MEI1: variants seen among roughly 807,000 people sequenced by gnomAD.
MEI1 encodes meiotic double-stranded break formation protein 1, also known as meiosis inhibitor protein 1.
MEI1 carries 103 observed loss-of-function variants against 146.2 expected under a neutral mutation model. The ratio of observed to expected loss-of-function variants is 0.70; its 90% CI spans 0.60 to 0.83. MEI1 has a LOEUF of 0.83. Among genes scored for constraint, MEI1 ranks in the 40% least tolerant of loss-of-function variants. The pLI, the probability that MEI1 is intolerant of heterozygous loss-of-function variation, is 0.00. For missense variants in MEI1, 1,529 were observed against 1,533.0 expected (o/e 1.00, Z 0.04); for synonymous variants, 652 against 628.2 (o/e 1.04, Z -0.57).
intron 6 of MEI1, among the ~76,000 whole-genome samples, chr22:41,720,618 C>T (rs1226618234): frequency 8.9e-6 from 1 of 112,630 alleles, no homozygotes; most frequent in Non-Finnish European, 1.9e-5. Context: ...TTTTTTTTGA[C>T]GGAGTCTGGC....
intron 5 of MEI1, among the ~76,000 whole-genome samples, 189 bp from the exon 6 acceptor site, chr22:41,717,882 C>A (rs2070360403): frequency 6.6e-6 from 1 of 152,140 alleles, no homozygotes. Flanking sequence ...TTCCCAAGTG[C>A]TGGGATTACA....
chr22:41,704,816 G>A (rs775613746), intron 2 of MEI1, among the ~76,000 whole-genome samples: 14 of 152,050 alleles, frequency 9.2e-5, no homozygotes, highest in Non-Finnish European at 1.8e-4. Context: ...CCAGGTTCAC[G>A]CCATTCTCCT....
chr22:41,746,146 G>A (rs747515464), intron 14 of MEI1, 120 bp downstream of exon 14: 3 of 862,370 alleles, frequency 3.5e-6, no homozygotes, highest in Non-Finnish European at 4.8e-6. Flanking sequence ...GGCCTCAGCA[G>A]TGCAATTCTT....
chr22:41,707,624 C>T (rs1454742030), intron 3 of MEI1, among the ~76,000 whole-genome samples: 1 of 151,912 alleles, frequency 6.6e-6, no homozygotes, highest in East Asian at 1.9e-4. Flanking sequence ...ACATGGGCAA[C>T]ATAGCAAGAC....
intron 30 of MEI1, among the ~76,000 whole-genome samples, chr22:41,798,096 GT>G (rs1174167127): frequency 6.7e-6 from 1 of 148,908 alleles, no homozygotes; most frequent in East Asian, 2.0e-4. Context: ...AGCGCAGTTG[GT>G]TCAAGTGATC....
At chr22:41,733,886 G>T (rs1250524608) in intron 11 of MEI1, among the ~76,000 whole-genome samples, 1 of 152,056 alleles carries the variant, frequency 6.6e-6, no homozygotes, top group Non-Finnish European at 1.5e-5. Context: ...CAGCACTTTG[G>T]GAGGCCAAGG....
At chr22:41,762,190 C>T (rs1405395809) in intron 18 of MEI1, among the ~76,000 whole-genome samples, 1 of 152,110 alleles carries the variant, frequency 6.6e-6, no homozygotes, top group Non-Finnish European at 1.5e-5. Context: ...CCATTACAGG[C>T]GTGAGCCACT....
At chr22:41,767,838 CT>C (rs2074952448) in intron 19 of MEI1, among the ~76,000 whole-genome samples, 1 of 152,150 alleles carries the variant, frequency 6.6e-6, no homozygotes, top group Non-Finnish European at 1.5e-5. Context: ...TCTCCTGGAG[CT>C]GGGGGACTGG....
chr22:41,730,625 C>T lies in MEI1; in HGVS notation c.1084C>T (p.His362Tyr). ...AGAGCCACTCTTTTTTTCCAAGTGCCACACGGTGTATGGTTGGTAGTAAGG... is the reference window on the plus strand; with the variant it reads ...AGAGCCACTCTTTTTTTCCAAGTGCTACACGGTGTATGGTTGGTAGTAAGG... Reference protein sequence around the residue: ...VEEPLFFSKCHTVYGIEAVVR... With the variant: ...VEEPLFFSKCYTVYGIEAVVR... The change falls in exon 9 of 31, where the codon CAC becomes TAC. Residue 362 changes from histidine (H) to tyrosine (Y), a missense_variant. By Grantham distance (83) the His-to-Tyr change is moderately conservative. Around this residue, in one of 3 missense-constraint regions of MEI1, gnomAD observed 1,212 missense variants for 1,178.9 expected, o/e 1.03. Transcript: ENST00000401548. The T allele has an allele frequency of 6.2e-7, 1 of 1,612,266 alleles. No homozygotes were observed. Among genetic ancestry groups the T allele is most frequent in the Non-Finnish European group, 8.5e-7 (1 of 1,178,418 alleles).
intron 18 of MEI1, among the ~76,000 whole-genome samples, chr22:41,762,684 G>A (rs2074576473): frequency 6.6e-6 from 1 of 151,816 alleles, no homozygotes; most frequent in South Asian, 2.1e-4. Context: ...ATCACACCTG[G>A]CCGTTTTCAC....
chr22:41,767,989 A>G (rs1300264825), intron 19 of MEI1, among the ~76,000 whole-genome samples: 3 of 152,210 alleles, frequency 2.0e-5, no homozygotes, highest in Non-Finnish European at 2.9e-5. Flanking sequence ...TATCCATTCA[A>G]GGAAGGAAGC....
At chr22:41,740,799 G>A (rs2072796960) in intron 11 of MEI1, among the ~76,000 whole-genome samples, 1 of 152,134 alleles carries the variant, frequency 6.6e-6, no homozygotes, top group Non-Finnish European at 1.5e-5. Flanking sequence ...TGATGATCGT[G>A]TAGGATCGTC....
At chr22:41,774,197 G>T (rs1042209941) in intron 20 of MEI1, 7 of 152,242 alleles carry the variant, frequency 4.6e-5, no homozygotes, top group African/African-American at 1.7e-4. Context: ...GGACAGCAGA[G>T]ACTACAGATT....
intron 3 of MEI1, 81 bp downstream of exon 3, chr22:41,705,635 G>A (rs2069030142): frequency 5.8e-6 from 7 of 1,211,618 alleles, no homozygotes; most frequent in South Asian, 2.4e-5. Context: ...AGACCTTGGC[G>A]AAATTGTCTG....
At chr22:41,724,280 A>T (rs1037594277) in intron 7 of MEI1, among the ~76,000 whole-genome samples, 6 of 152,156 alleles carry the variant, frequency 3.9e-5, no homozygotes, top group African/African-American at 1.4e-4. Context: ...TGAGCCCAGG[A>T]GTGCAAGACC....
At chr22:41,705,599 G>A in intron 3 of MEI1, 45 bp downstream of exon 3, 1 of 1,549,836 alleles carries the variant, frequency 6.5e-7, no homozygotes, top group East Asian at 2.2e-5. Flanking sequence ...GAAAGTATTA[G>A]TCTGAATTGC....
At chr22:41,706,126 T>C (rs374891853) in intron 3 of MEI1, among the ~76,000 whole-genome samples, 1 of 151,840 alleles carries the variant, frequency 6.6e-6, no homozygotes, top group African/African-American at 2.4e-5. Context: ...TCAAGCAATC[T>C]TCCCGCCTCA....
At chr22:41,743,332 T>TAGGGAAAAAGCA in intron 12 of MEI1, 138 bp downstream of exon 12, 1 of 587,332 alleles carries the variant, frequency 1.7e-6, no homozygotes, top group Non-Finnish European at 3.1e-6. Context: ...GAGATGCTTT[T>TAGGGAAAAAGCA]TCCCTAATAG....
At position 41,784,421 on chromosome 22, in the gene MEI1, G is replaced by T. The variant is rs533261040; in HGVS notation, c.3169+1G>T. 1.2e-6 allele frequency: 2 copies of T among 1,613,866 alleles called. No individual in the cohort carries two copies. The highest frequency in any genetic ancestry group is 1.7e-6 in the Non-Finnish European group (2 of 1,179,812). ...AAGAAAAAGGCTGCACTACTCTCAGGTATGGGTCCACAAGTCTCCAGCAGA... is the reference window on the plus strand; with the variant it reads ...AAGAAAAAGGCTGCACTACTCTCAGTTATGGGTCCACAAGTCTCCAGCAGA... On this transcript the variant is annotated splice_donor_variant, in intron 25 of 30. Coordinates refer to ENST00000401548, the MANE Select transcript of MEI1 (RefSeq NM_152513.4). LOFTEE classifies it high-confidence loss of function.
Sources: gnomAD v4.1 joint callset for allele counts (sites outside exome capture counted in the v4.1 genomes callset) on GRCh38, gnomAD v4.1.1 for gene constraint, gnomAD v4.1.1 regional missense constraint, MANE v1.5 for transcripts, NCBI Gene and HGNC (gene_info 2026-07-23, HGNC 2026-07-21) for gene names.